ARL15: variants seen among roughly 807,000 people sequenced by gnomAD.
ARL15 encodes ADP-ribosylation factor-like protein 15.
ARL15 carries 19 observed loss-of-function variants against 25.2 expected under a neutral mutation model. That is an observed-to-expected ratio of 0.75 (90% CI 0.53 to 1.10). The LOEUF is 1.10. Among genes scored for constraint, ARL15 ranks in the 50% least tolerant of loss-of-function variants. The probability of loss-of-function intolerance (pLI) is 0.00; values close to 1 mark genes in which losing one functional copy is unlikely to be tolerated. For missense variants in ARL15, 220 were observed against 246.0 expected (o/e 0.89, Z 0.71); for synonymous variants, 94 against 86.8 (o/e 1.08, Z -0.46).
chr5:53,924,139 G>A (rs985155873), intron 4 of ARL15, among the ~76,000 whole-genome samples: 3 of 152,200 alleles, frequency 2.0e-5, no homozygotes, highest in South Asian at 2.1e-4. Flanking sequence ...TCAGATTTCC[G>A]AAGGCCCATG....
chr5:53,992,837 G>GGTAACCTGAGGTCA (rs201522466), intron 4 of ARL15, among the ~76,000 whole-genome samples: 27,243 of 152,000 alleles, frequency 0.18, 2,777 homozygotes, highest in East Asian at 0.46. Flanking sequence ...GAGGTGGGTC[G>GGTAACCTGAGGTCA]GGAGTTTGAG....
chr5:53,899,868 C>T (rs935908552), intron 4 of ARL15, among the ~76,000 whole-genome samples: 1 of 152,304 alleles, frequency 6.6e-6, no homozygotes, highest in Middle Eastern at 3.4e-3. Flanking sequence ...TCTAATCTTA[C>T]AAATCAGGGA....
intron 4 of ARL15, among the ~76,000 whole-genome samples, chr5:53,978,579 A>G (rs1748016270): frequency 6.8e-6 from 1 of 146,378 alleles, no homozygotes; most frequent in African/African-American, 2.5e-5. Flanking sequence ...TGAGGCCAGG[A>G]GTTCGAGACC....
intron 1 of ARL15, among the ~76,000 whole-genome samples, chr5:54,211,187 C>T (rs1738503971): frequency 6.6e-6 from 1 of 152,088 alleles, no homozygotes; most frequent in Non-Finnish European, 1.5e-5. Context: ...CAAAGTATTC[C>T]AAAATGTCAC....
intron 3 of ARL15, among the ~76,000 whole-genome samples, chr5:54,119,603 T>C (rs1327227672): frequency 2.6e-5 from 4 of 152,162 alleles, no homozygotes; most frequent in Non-Finnish European, 5.9e-5. Flanking sequence ...ATGACTTGAT[T>C]TAGCATTTAT....
intron 4 of ARL15, among the ~76,000 whole-genome samples, chr5:53,974,081 G>C (rs1302662068): frequency 1.3e-5 from 2 of 152,106 alleles, no homozygotes; most frequent in Non-Finnish European, 2.9e-5. Flanking sequence ...GCTAGACTCT[G>C]TTTTCCCACA....
At chr5:54,123,090 A>G (rs1026059859) in intron 3 of ARL15, among the ~76,000 whole-genome samples, 127 of 149,144 alleles carry the variant, frequency 8.5e-4, no homozygotes, top group African/African-American at 3.0e-3. Flanking sequence ...TCTTACTCAC[A>G]CCCTCTCTTC....
At chr5:54,125,368 A>G (rs1215404162) in intron 3 of ARL15, among the ~76,000 whole-genome samples, 2 of 152,122 alleles carry the variant, frequency 1.3e-5, no homozygotes, top group Non-Finnish European at 2.9e-5. Flanking sequence ...AAACTGCCAC[A>G]CTAGAGAGTC....
chr5:54,027,459 T>G (rs1219552344), intron 4 of ARL15, among the ~76,000 whole-genome samples: 1 of 152,236 alleles, frequency 6.6e-6, no homozygotes, highest in Admixed American at 6.5e-5. Context: ...AACTGCAGAA[T>G]ATGGTATTTG....
At chr5:53,962,882 TGA>T (rs2112155160) in intron 4 of ARL15, among the ~76,000 whole-genome samples, 1 of 152,246 alleles carries the variant, frequency 6.6e-6, no homozygotes, top group East Asian at 1.9e-4. Flanking sequence ...TTTTTTTAAG[TGA>T]GGGCTGTAAA....
intron 4 of ARL15, among the ~76,000 whole-genome samples, chr5:53,961,279 C>A (rs908568260): frequency 4.6e-5 from 7 of 151,900 alleles, no homozygotes; most frequent in Middle Eastern, 3.2e-3. Flanking sequence ...GGGTGGATCA[C>A]CCGAGGTCAG....
At chr5:53,954,028 C>T (rs1242076321) in intron 4 of ARL15, among the ~76,000 whole-genome samples, 1 of 149,528 alleles carries the variant, frequency 6.7e-6, no homozygotes, top group Non-Finnish European at 1.5e-5. Context: ...ATTTTCAGAT[C>T]TTTAGTTGAA....
Position 54,154,644 on chromosome 5 carries a change from A to C in ARL15, c.194-5T>G. 1 of 1,504,362 alleles carries C rather than the reference A, an allele frequency of 6.6e-7. No homozygotes were observed. Among genetic ancestry groups the C allele is most frequent in the East Asian group, 2.5e-5 (1 of 39,438 alleles). 93.2% of individuals were successfully genotyped at this position (1,504,362 alleles called of 1,614,324 possible). ...GCACTGCTTTAATACTAAAACCTAA[A>C]ATTAGAAAACAAAAACATAAAAAAA... On this transcript the variant is annotated splice_region_variant and splice_polypyrimidine_tract_variant and intron_variant, in intron 2 of 4. Transcript: ENST00000504924.
intron 1 of ARL15, among the ~76,000 whole-genome samples, chr5:54,203,741 G>C (rs1222231469): frequency 6.6e-6 from 1 of 152,090 alleles, no homozygotes; most frequent in African/African-American, 2.4e-5. Flanking sequence ...TCCATACAAG[G>C]AATCACTCAC....
intron 1 of ARL15, among the ~76,000 whole-genome samples, chr5:54,301,394 T>C (rs1052624937): frequency 6.6e-6 from 1 of 152,154 alleles, no homozygotes; most frequent in Non-Finnish European, 1.5e-5. Flanking sequence ...AAAACATGCA[T>C]GAGACTGTTA....
In ARL15 at chr5:54,245,287, C is replaced by T. The variant is rs2066717776; in HGVS notation, c.48+65145G>A. ...AGAAAATCTATGGAATAGTATGTGT[C>T]AAACAAATAGTCACACCTTGCTTGC... On this transcript the variant is annotated intron_variant, in intron 1 of 4. Coordinates refer to ENST00000504924, the MANE Select transcript of ARL15 (RefSeq NM_019087.3). 2.0e-5 allele frequency among the ~76,000 whole-genome samples: 3 copies of T among 152,180 alleles called. No homozygotes were observed. The South Asian group carries it at 6.2e-4, about 32-fold the overall frequency.
At chr5:54,245,741 C>A (rs566376075) in intron 1 of ARL15, among the ~76,000 whole-genome samples, 52 of 152,134 alleles carry the variant, frequency 3.4e-4, no homozygotes, top group Non-Finnish European at 6.6e-4. Flanking sequence ...ACATCTGCCA[C>A]CATGCCCAGC....
rs1753738923 is a variant in ARL15, at chr5:54,140,441, T to TAGATAGAC, written c.253+14138_253+14139insGTCTATCT. ...ACAGATAGATAGATAGATAGATAGATAGATAGATAGATAGATAGATAGATA... is the reference window on the plus strand; with the variant it reads ...ACAGATAGATAGATAGATAGATAGATAGATAGACAGATAGATAGATAGATAGATAGATA... On this transcript the variant is annotated intron_variant, in intron 3 of 4. Transcript: ENST00000504924. 2.2e-5 allele frequency among the ~76,000 whole-genome samples: 3 copies of TAGATAGAC among 137,838 alleles called. No homozygotes were observed. The South Asian group carries it at 7.2e-4, about 33-fold the overall frequency. The allele number at this position is 137,838 out of a possible 152,430, so 90.4% of individuals were successfully genotyped here. A position where few individuals can be genotyped will look rare whatever the true frequency, so the allele number is the denominator to read the frequency against.
chr5:54,091,785 A>G (rs935611336), intron 4 of ARL15, among the ~76,000 whole-genome samples: 1 of 151,886 alleles, frequency 6.6e-6, no homozygotes, highest in African/African-American at 2.4e-5. Flanking sequence ...AACACAGAAA[A>G]AAAAAAAATG....
Sources: allele counts gnomAD v4.1 joint callset (sites outside exome capture counted in the v4.1 genomes callset), GRCh38; gene constraint gnomAD v4.1.1; transcripts MANE v1.5; gene names NCBI Gene and HGNC (gene_info 2026-07-23, HGNC 2026-07-21).